MMGT1: variants seen among roughly 807,000 people sequenced by gnomAD.
MMGT1 encodes the protein membrane magnesium transporter 1, also known as ER membrane protein complex subunit 5.
MMGT1 carries 2 observed loss-of-function variants against 11.7 expected under a neutral mutation model. That is an observed-to-expected ratio of 0.17 (90% confidence interval 0.07 to 0.54). MMGT1 has a LOEUF of 0.54. Ranked by LOEUF, MMGT1 falls within the 20% of genes least tolerant of loss-of-function variation. The pLI, the probability that MMGT1 is intolerant of heterozygous loss-of-function variation, is 0.94. For synonymous variants in MMGT1, 49 were observed against 44.4 expected (o/e 1.10, Z -0.41); for missense variants, 74 against 109.0 (o/e 0.68, Z 1.43).
chrX:135,972,782 A>G (rs1440772275), intron 1 of MMGT1, among the ~76,000 whole-genome samples: 1 of 111,837 alleles, frequency 8.9e-6, no homozygotes, highest in Non-Finnish European at 1.9e-5. Flanking sequence ...TCTTCTAATT[A>G]CCTGCCAGGT....
At chrX:135,969,144 A>ATATG (rs373935173) in intron 2 of MMGT1, among the ~76,000 whole-genome samples, 3 of 100,945 alleles carry the variant, frequency 3.0e-5, no homozygotes, top group East Asian at 3.1e-4. Flanking sequence ...AAATATGTGT[A>ATATG]TGTGTGTGTG....
chrX:135,971,398 C>T (rs1367297395), intron 1 of MMGT1, among the ~76,000 whole-genome samples: 1 of 112,439 alleles, frequency 8.9e-6, no homozygotes, highest in African/African-American at 3.2e-5. Flanking sequence ...AGGTAGTCAG[C>T]TCTATCTTAG....
chrX:135,972,604 C>T (rs1223820886), intron 1 of MMGT1, among the ~76,000 whole-genome samples: 3 of 112,017 alleles, frequency 2.7e-5, no homozygotes, highest in Non-Finnish European at 5.6e-5. Context: ...GCCCTTCTCG[C>T]CCCACAATCA....
At chrX:135,966,683 G>A (rs1556611990) in intron 3 of MMGT1, among the ~76,000 whole-genome samples, 1 of 111,791 alleles carries the variant, frequency 8.9e-6, no homozygotes, top group African/African-American at 3.2e-5. Flanking sequence ...TGTTCACTGT[G>A]ACTCCTTCTA....
At position 135,968,499 on chromosome X, in the gene MMGT1, TTG is replaced by T. The variant is rs61012323; in HGVS notation, c.133-1008_133-1007del. On this transcript the variant is annotated intron_variant, in intron 2 of 3. Transcript: ENST00000305963. The stretch of plus-strand genomic sequence containing the variant: ...GCTTTCCTCGCTCAACATTATGTCA[TTG>T]TGTGTGTGTGTGTGTGTGTGTGTGT... Among the ~76,000 whole-genome samples, 336 of 85,015 alleles carry T rather than the reference TTG, an allele frequency of 4.0e-3. 2 individuals carry two copies. The highest frequency in any genetic ancestry group is 9.6e-3 in the African/African-American group (217 of 22,493). 73.8% of individuals were successfully genotyped at this position (85,015 alleles called of 115,157 possible).
At position 135,963,113 on chromosome X, in the gene MMGT1, G is replaced by C. The variant is rs781904488; in HGVS notation, c.*1911C>G. ...CAGAGAGAGAAATAGATTAGTGGTTGCCAGGGGCTCGGGGATGGGGTGGGC... is the reference window on the plus strand; with the variant it reads ...CAGAGAGAGAAATAGATTAGTGGTTCCCAGGGGCTCGGGGATGGGGTGGGC... On this transcript the variant is annotated 3_prime_UTR_variant, in exon 4 of 4. Coordinates refer to ENST00000305963, the MANE Select transcript of MMGT1 (RefSeq NM_173470.3). 4.5e-5 allele frequency: 5 copies of C among 110,926 alleles called. No individual in the cohort carries two copies. Among genetic ancestry groups the C allele is most frequent in the Non-Finnish European group, 9.4e-5 (5 of 52,974 alleles). 9.1% of individuals were successfully genotyped at this position (110,926 alleles called of 1,213,427 possible). A position where few individuals can be genotyped will look rare whatever the true frequency, so the allele number is the denominator to read the frequency against.
At chrX:135,971,705 G>A (rs1410983773) in intron 1 of MMGT1, among the ~76,000 whole-genome samples, 1 of 112,043 alleles carries the variant, frequency 8.9e-6, no homozygotes, top group East Asian at 2.8e-4. Context: ...CGCTGGGGCA[G>A]TGGTGGAATA....
At chrX:135,973,327 T>C (rs2089231215) in intron 1 of MMGT1, among the ~76,000 whole-genome samples, 1 of 111,700 alleles carries the variant, frequency 9.0e-6, no homozygotes, top group Non-Finnish European at 1.9e-5. Flanking sequence ...CTGACATCAC[T>C]TGTCCTGGAT....
Position 135,971,108 on chromosome X carries a change from G to T in MMGT1, c.82C>A (p.Arg28Ser). ...TTTTCTGTTAATCGCATATAAGAAC[G>T]ATCTATAAACCAGAAGCATACCATT... The part of the protein sequence containing the change: ...AHAAFSAAQH[R>S]SYMRLTEKED... Residue 28 changes from arginine to serine, a missense_variant and splice_region_variant, in exon 2 of 4, where the codon CGT becomes AGT. Transcript: ENST00000305963. 1 of 1,165,824 alleles carries T rather than the reference G, an allele frequency of 8.6e-7. No individual in the cohort carries two copies. The highest frequency in any genetic ancestry group is 1.2e-6 in the Non-Finnish European group (1 of 856,115).
At chrX:135,969,626 C>T (rs1415749437) in intron 2 of MMGT1, among the ~76,000 whole-genome samples, 1 of 112,102 alleles carries the variant, frequency 8.9e-6, no homozygotes, top group African/African-American at 3.2e-5. Context: ...GCGTGAGCCA[C>T]CATGCCTGGC....
At chrX:135,966,774 G>A (rs1466238565) in intron 3 of MMGT1, among the ~76,000 whole-genome samples, 2 of 111,388 alleles carry the variant, frequency 1.8e-5, no homozygotes, top group Admixed American at 9.6e-5. Flanking sequence ...AAAGCTAAAG[G>A]ATGATTTTAG....
intron 1 of MMGT1, 75 bp downstream of exon 1, chrX:135,973,521 TG>T: frequency 1.2e-6 from 1 of 840,318 alleles, no homozygotes; most frequent in Non-Finnish European, 1.7e-6. Flanking sequence ...CTCGGTCCGA[TG>T]GTCCCTTAGA....
rs1276811354 is a variant in MMGT1 at position 135,963,346 on chromosome X, C to G, written c.*1678G>C. On this transcript the variant is annotated 3_prime_UTR_variant, in exon 4 of 4. Transcript: ENST00000305963. ...AACATATTAAGAAACGAAGACATAC[C>G]CCAAAGAGAAGGAAACAAGAGGCTC... The G allele has an allele frequency of 9.0e-6, 1 of 111,186 alleles. No individual in the cohort carries two copies. The highest frequency in any genetic ancestry group is 1.9e-5 in the Non-Finnish European group (1 of 52,932). The allele number at this position is 111,186 out of a possible 1,213,427, so 9.2% of individuals were successfully genotyped here. A position where few individuals can be genotyped will look rare whatever the true frequency, so the allele number is the denominator to read the frequency against.
At chrX:135,967,910 T>A (rs1422264811) in intron 2 of MMGT1, among the ~76,000 whole-genome samples, 1 of 111,059 alleles carries the variant, frequency 9.0e-6, no homozygotes, top group African/African-American at 3.3e-5. Context: ...CAGGCTGGAG[T>A]GCAATGGTGC....
At chrX:135,971,604 C>T (rs2089219668) in intron 1 of MMGT1, among the ~76,000 whole-genome samples, 1 of 112,286 alleles carries the variant, frequency 8.9e-6, no homozygotes, top group Non-Finnish European at 1.9e-5. Flanking sequence ...GTAAAGTCTA[C>T]AGAAAATCTC....
intron 2 of MMGT1, among the ~76,000 whole-genome samples, chrX:135,970,606 G>T: frequency 8.9e-6 from 1 of 111,819 alleles, no homozygotes; most frequent in African/African-American, 3.3e-5. Flanking sequence ...AGCTTTATGA[G>T]TGATGAAAAG....
In MMGT1 at chrX:135,961,908, G is replaced by A. The variant is rs1471991588; in HGVS notation, c.*3116C>T. On this transcript the variant is annotated 3_prime_UTR_variant, in exon 4 of 4. Coordinates refer to ENST00000305963, the MANE Select transcript of MMGT1 (RefSeq NM_173470.3). ...TATTAAAAACATAAAACTGCAGTAA[G>A]ATTTTACATGTACAATTAAATTATC... Among the ~76,000 whole-genome samples, 2 of 111,022 alleles carry A rather than the reference G, an allele frequency of 1.8e-5. No individual in the cohort carries two copies. The highest frequency in any genetic ancestry group is 6.6e-5 in the African/African-American group (2 of 30,483).
At chrX:135,971,012 G>A in intron 2 of MMGT1, 46 bp downstream of exon 2, 1 of 905,261 alleles carries the variant, frequency 1.1e-6, no homozygotes. Context: ...AAGCTATGTG[G>A]CTGATTTTAA....
Position 135,965,104 on chromosome X carries a change from T to C in MMGT1, c.316A>G (p.Thr106Ala). The C allele has an allele frequency of 8.3e-7, 1 of 1,207,888 alleles. No homozygotes were observed. Among genetic ancestry groups the C allele is most frequent in the South Asian group, 1.8e-5 (1 of 56,855 alleles). Residue 106 changes from threonine (T) to alanine (A), a missense_variant, in exon 4 of 4, where the codon ACA (threonine) becomes GCA (alanine). By Grantham distance (58) the Thr-to-Ala change is moderately conservative. This residue lies in a region of MMGT1 where 34 missense variants were observed against 29.3 expected (regional missense o/e 1.16). Transcript: ENST00000305963. Reference sequence around the variant, plus strand: ...GCATCTTGGTTTGAAGAATTTGCTGTATCCGAAGGCCGGAAAAGTACTCGA... The same window carrying C: ...GCATCTTGGTTTGAAGAATTTGCTGCATCCGAAGGCCGGAAAAGTACTCGA... ...RGRVLFRPSD[T>A]ANSSNQDALS...
Sources: gnomAD v4.1 joint callset for allele counts (sites outside exome capture counted in the v4.1 genomes callset) on GRCh38, gnomAD v4.1.1 for gene constraint, gnomAD v4.1.1 regional missense constraint, MANE v1.5 for transcripts, NCBI Gene and HGNC (gene_info 2026-07-23, HGNC 2026-07-21) for gene names.